KCNH8: variants seen among roughly 807,000 people sequenced by gnomAD.
KCNH8 encodes the protein potassium voltage-gated channel subfamily H member 8.
Under a neutral mutation model 103.6 loss-of-function variants are expected in KCNH8, and 70 were observed. The ratio of observed to expected loss-of-function variants is 0.68; its 90% CI spans 0.56 to 0.82. The LOEUF is 0.82. Among genes scored for constraint, KCNH8 ranks in the 40% least tolerant of loss-of-function variants. The probability of loss-of-function intolerance (pLI) is 0.00; values close to 1 mark genes in which losing one functional copy is unlikely to be tolerated. For synonymous variants in KCNH8, 498 were observed against 489.4 expected (o/e 1.02, Z -0.23); for missense variants, 1,217 against 1,329.9 (o/e 0.92, Z 1.32).
chr3:19,286,853 A>G (rs982448375), intron 3 of KCNH8, among the ~76,000 whole-genome samples: 1 of 152,198 alleles, frequency 6.6e-6, no homozygotes, highest in Non-Finnish European at 1.5e-5. Context: ...GTGGATGTGG[A>G]ACCCGCAGAT....
At chr3:19,521,681 A>C (rs1559370066) in intron 15 of KCNH8, among the ~76,000 whole-genome samples, 1 of 151,970 alleles carries the variant, frequency 6.6e-6, no homozygotes, top group East Asian at 1.9e-4. Flanking sequence ...TTTGCTATAA[A>C]CATACTCCAT....
chr3:19,270,772 G>A (rs1450740843), intron 2 of KCNH8, among the ~76,000 whole-genome samples: 1 of 152,120 alleles, frequency 6.6e-6, no homozygotes, highest in Non-Finnish European at 1.5e-5. Context: ...CATATTCTTG[G>A]AAAGTGCTAA....
intron 7 of KCNH8, among the ~76,000 whole-genome samples, chr3:19,415,099 T>G (rs1464405630): frequency 6.6e-6 from 1 of 152,010 alleles, no homozygotes; most frequent in African/African-American, 2.4e-5. Flanking sequence ...AACCAATATT[T>G]GGCATTATTT....
intron 7 of KCNH8, among the ~76,000 whole-genome samples, chr3:19,404,203 C>G (rs184072751): frequency 6.6e-6 from 1 of 152,064 alleles, no homozygotes; most frequent in East Asian, 1.9e-4. Flanking sequence ...CTCAAGCATG[C>G]TTCCATCTTC....
At chr3:19,512,514 T>C (rs2068799777) in intron 12 of KCNH8, among the ~76,000 whole-genome samples, 1 of 152,162 alleles carries the variant, frequency 6.6e-6, no homozygotes, top group African/African-American at 2.4e-5. Context: ...TAATGCAATT[T>C]TGCTGGTTAA....
At chr3:19,356,820 T>A (rs1014064436) in intron 5 of KCNH8, among the ~76,000 whole-genome samples, 18 of 151,774 alleles carry the variant, frequency 1.2e-4, no homozygotes, top group African/African-American at 4.4e-4. Flanking sequence ...TCTGAAAAAA[T>A]TTCACTCAAC....
chr3:19,341,617 A>C (rs548048802), intron 3 of KCNH8, among the ~76,000 whole-genome samples: 1 of 152,288 alleles, frequency 6.6e-6, no homozygotes, highest in Admixed American at 6.5e-5. Flanking sequence ...ATTGCAAATA[A>C]ATTTAAAAAC....
intron 3 of KCNH8, among the ~76,000 whole-genome samples, chr3:19,288,511 G>A (rs1306601084): frequency 6.6e-6 from 1 of 151,956 alleles, no homozygotes; most frequent in East Asian, 1.9e-4. Flanking sequence ...ATAGTTGGCT[G>A]AGAATGATGG....
At chr3:19,373,594 G>A (rs2066139511) in intron 5 of KCNH8, among the ~76,000 whole-genome samples, 1 of 151,708 alleles carries the variant, frequency 6.6e-6, no homozygotes, top group Admixed American at 6.6e-5. Context: ...AGGGTTTTTT[G>A]TGTCTCTATT....
chr3:19,153,751 C>T (rs1215082655), intron 1 of KCNH8, among the ~76,000 whole-genome samples: 2 of 151,642 alleles, frequency 1.3e-5, no homozygotes, highest in African/African-American at 4.8e-5. Context: ...TCTGCCTCAG[C>T]CTCCCAAGTG....
intron 1 of KCNH8, among the ~76,000 whole-genome samples, chr3:19,207,969 A>C (rs2063733405): frequency 6.6e-6 from 1 of 152,030 alleles, no homozygotes; most frequent in Non-Finnish European, 1.5e-5. Flanking sequence ...TTTAAAAAAA[A>C]ATGTATTTCA....
At chr3:19,202,764 T>G (rs1411586174) in intron 1 of KCNH8, among the ~76,000 whole-genome samples, 2 of 152,116 alleles carry the variant, frequency 1.3e-5, no homozygotes, top group Non-Finnish European at 2.9e-5. Flanking sequence ...ATCAACCCTT[T>G]TGGCTTCAAT....
intron 7 of KCNH8, among the ~76,000 whole-genome samples, chr3:19,399,751 C>G (rs527357846): frequency 6.6e-6 from 1 of 151,824 alleles, no homozygotes. Flanking sequence ...AAACTTATAT[C>G]GATGAGCAAT....
intron 5 of KCNH8, among the ~76,000 whole-genome samples, chr3:19,352,616 T>C (rs981637741): frequency 5.9e-5 from 9 of 151,958 alleles, no homozygotes; most frequent in Non-Finnish European, 7.4e-5. Flanking sequence ...AACTGAACAA[T>C]GTGCTCCTGA....
chr3:19,431,630 G>A (rs2067123677), intron 7 of KCNH8, among the ~76,000 whole-genome samples: 1 of 151,958 alleles, frequency 6.6e-6, no homozygotes, highest in South Asian at 2.1e-4. Context: ...TGTTTGTTTT[G>A]TTTTGTTTTT....
intron 11 of KCNH8, among the ~76,000 whole-genome samples, chr3:19,503,850 G>T (rs2125236084): frequency 6.6e-6 from 1 of 152,084 alleles, no homozygotes; most frequent in East Asian, 1.9e-4. Context: ...AGTGGGTGCA[G>T]CGCACCAGCA....
chr3:19,379,371 G>A (rs2066256830), intron 5 of KCNH8, among the ~76,000 whole-genome samples: 1 of 152,220 alleles, frequency 6.6e-6, no homozygotes, highest in African/African-American at 2.4e-5. Flanking sequence ...GCCGGGCCCA[G>A]TGGCTCATGC....
chr3:19,394,787 C>G (rs940740615), intron 6 of KCNH8, among the ~76,000 whole-genome samples: 7 of 151,728 alleles, frequency 4.6e-5, no homozygotes, highest in Non-Finnish European at 8.8e-5. Flanking sequence ...AATTCTGATA[C>G]CATAATGTGT....
chr3:19,488,433 C>T (rs1344158176), intron 11 of KCNH8, among the ~76,000 whole-genome samples: 2 of 152,216 alleles, frequency 1.3e-5, no homozygotes, highest in Admixed American at 6.5e-5. Context: ...TTCATACCCA[C>T]AAACCCTGCC....
Sources: gnomAD v4.1 joint callset for allele counts (sites outside exome capture counted in the v4.1 genomes callset) on GRCh38, gnomAD v4.1.1 for gene constraint, MANE v1.5 for transcripts, NCBI Gene and HGNC (gene_info 2026-07-23, HGNC 2026-07-21) for gene names.